The following VPS13C variants were observed in gnomAD, a reference collection of about 807,000 sequenced individuals.
VPS13C encodes the protein vacuolar protein sorting 13 homolog C, also known as intermembrane lipid transfer protein VPS13C.
A neutral mutation model predicts 456.8 loss-of-function variants in VPS13C; 358 were observed. The observed-to-expected ratio is 0.78, with a 90% CI of 0.72 to 0.86. VPS13C has a LOEUF of 0.86. VPS13C is among the 40% of genes least tolerant of loss of function. VPS13C has a pLI of 0.00. For missense variants in VPS13C, 4,818 were observed against 4,385.4 expected (o/e 1.10, Z -2.79); for synonymous variants, 1,578 against 1,486.7 (o/e 1.06, Z -1.41).
rs1203656737 is a variant in VPS13C at position 61,907,273 on chromosome 15, A to T, written c.9096T>A (p.Asp3032Glu). 1 of 1,613,852 alleles carries T rather than the reference A, an allele frequency of 6.2e-7. No individual in the cohort carries two copies. Among genetic ancestry groups the T allele is most frequent in the Non-Finnish European group, 8.5e-7 (1 of 1,179,776 alleles). ...WTYAANVGEH[D>E]LLKDGCGQFP... ...TCACATCAAAAGATACCTTTAACAG[A>T]TCATGTTCCCCAACATTTGCTGCAT... Residue 3032 changes from aspartate (D) to glutamate (E), a missense_variant, in exon 66 of 85, where the codon GAT (aspartate) becomes GAA (glutamate). Coordinates refer to ENST00000644861, the MANE Select transcript of VPS13C (RefSeq NM_020821.3).
intron 16 of VPS13C, among the ~76,000 whole-genome samples, chr15:61,999,363 G>A (rs2046513704): frequency 6.7e-6 from 1 of 148,898 alleles, no homozygotes; most frequent in African/African-American, 2.5e-5. Context: ...CTGGACAACA[G>A]AGCAAGACTC....
chr15:62,033,924 T>A (rs1224988247), intron 4 of VPS13C, among the ~76,000 whole-genome samples: 1 of 151,602 alleles, frequency 6.6e-6, no homozygotes, highest in African/African-American at 2.4e-5. Context: ...TATACACTGA[T>A]TTTTTAAACT....
At chr15:61,962,135 T>C (rs190476307) in intron 34 of VPS13C, among the ~76,000 whole-genome samples, 6 of 152,302 alleles carry the variant, frequency 3.9e-5, no homozygotes, top group Non-Finnish European at 5.9e-5. Flanking sequence ...ATAATTTTTA[T>C]ACTAAAGAAT....
chr15:61,920,766 A>G, intron 55 of VPS13C, 119 bp from the exon 56 acceptor site: 1 of 824,698 alleles, frequency 1.2e-6, no homozygotes, highest in Non-Finnish European at 1.7e-6. Context: ...CAAAAGTCTT[A>G]TTTTCAAAAA....
intron 55 of VPS13C, among the ~76,000 whole-genome samples, chr15:61,921,291 C>T (rs1246800310): frequency 6.6e-6 from 1 of 152,066 alleles, no homozygotes; most frequent in Non-Finnish European, 1.5e-5. Context: ...GTGCCTGACT[C>T]CTTAGTAAGG....
chr15:61,898,231 G>T (rs1026257267), intron 66 of VPS13C, among the ~76,000 whole-genome samples: 2 of 151,536 alleles, frequency 1.3e-5, no homozygotes, highest in Non-Finnish European at 2.9e-5. Context: ...CATAATGACA[G>T]GATCAAATTC....
chr15:61,919,473 G>T (rs1280707366), intron 57 of VPS13C, 24 bp from the exon 58 acceptor site: 3 of 1,468,904 alleles, frequency 2.0e-6, no homozygotes, highest in African/African-American at 2.9e-5. Context: ...TAAGTGAAAA[G>T]AATTCCAAAT....
chr15:62,003,384 T>A (rs1448523566), intron 15 of VPS13C, among the ~76,000 whole-genome samples: 1 of 151,902 alleles, frequency 6.6e-6, no homozygotes, highest in Non-Finnish European at 1.5e-5. Flanking sequence ...CCTGAGACTT[T>A]GCTGAAGTTG....
At position 61,949,763 on chromosome 15, in the gene VPS13C, C is replaced by T. The variant is rs4587915; in HGVS notation, c.4597-158G>A. 0.59 allele frequency among the ~76,000 whole-genome samples: 89,434 copies of T among 151,982 alleles called. 26,542 individuals are homozygous for T. The highest frequency in any genetic ancestry group is 0.76 in the East Asian group (3,938 of 5,172). On this transcript the variant is annotated intron_variant, in intron 41 of 84. Transcript: ENST00000644861. The stretch of plus-strand genomic sequence containing the variant: ...CACTATTAACTCACTATTAAAATGT[C>T]AATCCTTGCCAGATAATAAATCAAC...
intron 66 of VPS13C, among the ~76,000 whole-genome samples, chr15:61,902,281 A>T (rs199970312): frequency 0.39 from 58,487 of 148,916 alleles, 11,761 homozygotes; most frequent in Non-Finnish European, 0.43. Context: ...AAAAAAACGT[A>T]AAAAAAAAAA....
intron 58 of VPS13C, among the ~76,000 whole-genome samples, chr15:61,918,614 C>T (rs2140171827): frequency 6.6e-6 from 1 of 151,922 alleles, no homozygotes; most frequent in East Asian, 1.9e-4. Flanking sequence ...AAATGGATAG[C>T]AAAAAATCAT....
Position 61,891,849 on chromosome 15 carries a change from T to G in VPS13C, c.9106-1449A>C, listed in dbSNP as rs1036456118. ...CAGAAAACCAAACATAAACTTCTAGTGCCAAGATTATCATCAGCAATATCC... is the reference window on the plus strand; with the variant it reads ...CAGAAAACCAAACATAAACTTCTAGGGCCAAGATTATCATCAGCAATATCC... On this transcript the variant is annotated intron_variant, in intron 66 of 84. Transcript: ENST00000644861. Among the ~76,000 whole-genome samples, 20 of 152,198 alleles carry G rather than the reference T, an allele frequency of 1.3e-4. No individual in the cohort carries two copies. The East Asian group carries it at 2.7e-3, about 21-fold the overall frequency.
intron 27 of VPS13C, 65 bp from the exon 28 acceptor site, chr15:61,969,517 C>T (rs2045482061): frequency 2.5e-6 from 3 of 1,177,862 alleles, no homozygotes; most frequent in Non-Finnish European, 3.4e-6. Flanking sequence ...ATAATGAAAA[C>T]AAAATCTTTC....
At chr15:61,863,713 CT>C in intron 81 of VPS13C, 185 bp from the exon 82 acceptor site, 2 of 424,774 alleles carry the variant, frequency 4.7e-6, no homozygotes, top group Non-Finnish European at 8.4e-6. Context: ...TTAACTTCCA[CT>C]GTTGCCTTAA....
chr15:62,020,356 CATG>C (rs1567118459), intron 9 of VPS13C, 120 bp downstream of exon 9: 1 of 714,012 alleles, frequency 1.4e-6, no homozygotes, highest in South Asian at 3.8e-5. Flanking sequence ...AGTTGTTTAG[CATG>C]ATAATATATT....
At chr15:62,056,018 G>A (rs2048783614) in intron 1 of VPS13C, among the ~76,000 whole-genome samples, 1 of 152,158 alleles carries the variant, frequency 6.6e-6, no homozygotes, top group African/African-American at 2.4e-5. Flanking sequence ...CTCAGACACT[G>A]TCAAATATAC....
intron 47 of VPS13C, 65 bp downstream of exon 47, chr15:61,940,582 C>G: frequency 1.3e-6 from 2 of 1,512,458 alleles, no homozygotes; most frequent in South Asian, 1.3e-5. Flanking sequence ...TCCACTAGAA[C>G]TGCACTATGA....
Position 61,916,026 on chromosome 15 carries a change from AAAAC to A in VPS13C, c.8056-8_8056-5del. On this transcript the variant is annotated splice_polypyrimidine_tract_variant and splice_region_variant and intron_variant, in intron 60 of 84. Transcript: ENST00000644861. Reference sequence around the variant, plus strand: ...GCTCATGAGTTTCTGCTGTTCCCTAAAAACAAACAAAAATTCGCTGAGTAACTTT... The same window carrying A: ...GCTCATGAGTTTCTGCTGTTCCCTAAAAACAAAAATTCGCTGAGTAACTTT... 6.5e-7 allele frequency: 1 copy of A among 1,542,394 alleles called. No homozygotes were observed. The highest frequency in any genetic ancestry group is 1.2e-5 in the South Asian group (1 of 82,900).
At chr15:61,982,256 T>C (rs2045910255) in intron 21 of VPS13C, among the ~76,000 whole-genome samples, 1 of 152,244 alleles carries the variant, frequency 6.6e-6, no homozygotes, top group Non-Finnish European at 1.5e-5. Context: ...AAGAATCATC[T>C]GTGCCCCATA....
Sources: allele counts gnomAD v4.1 joint callset (sites outside exome capture counted in the v4.1 genomes callset), GRCh38; gene constraint gnomAD v4.1.1; transcripts MANE v1.5; gene names NCBI Gene and HGNC (gene_info 2026-07-23, HGNC 2026-07-21).